Variants in NRG3 observed in about 807,000 individuals in gnomAD.
The protein encoded by NRG3 is pro-neuregulin-3, membrane-bound isoform.
In NRG3, 31 loss-of-function variants were observed where a neutral mutation model predicts 66.9. The observed-to-expected ratio is 0.46, with a 90% CI of 0.35 to 0.63. NRG3 has a LOEUF of 0.63. Among genes scored for constraint, NRG3 ranks in the 20% least tolerant of loss-of-function variants. The probability of loss-of-function intolerance (pLI) is 0.00; values close to 1 mark genes in which losing one functional copy is unlikely to be tolerated. For missense variants in NRG3, 910 were observed against 878.9 expected, an observed-to-expected ratio of 1.04 and a Z score of -0.45; for synonymous variants, 393 against 359.4, an observed-to-expected ratio of 1.09 and a Z score of -1.06.
chr10:81,957,936 C>A (rs1480063173), intron 1 of NRG3, among the ~76,000 whole-genome samples: 1 of 152,186 alleles, frequency 6.6e-6, no homozygotes, highest in Non-Finnish European at 1.5e-5. Context: ...CCAACCTTAA[C>A]ATTTATTCTT....
chr10:82,409,713 C>T (rs1446800453), intron 2 of NRG3, among the ~76,000 whole-genome samples: 1 of 152,084 alleles, frequency 6.6e-6, no homozygotes, highest in Non-Finnish European at 1.5e-5. Context: ...TGATTTTTGG[C>T]TTATGAATTA....
At chr10:82,052,687 C>G (rs182360737) in intron 1 of NRG3, among the ~76,000 whole-genome samples, 1 of 152,072 alleles carries the variant, frequency 6.6e-6, no homozygotes. Flanking sequence ...TAGCGTGTAG[C>G]TTAGTTCAAC....
intron 2 of NRG3, among the ~76,000 whole-genome samples, chr10:82,398,524 TGTGAGAGA>T (rs1390855556): frequency 5.0e-5 from 7 of 141,138 alleles, no homozygotes; most frequent in African/African-American, 1.6e-4. Context: ...TGTGTGTGTG[TGTGAGAGA>T]GAGAGAGAGA....
At position 82,406,672 on chromosome 10, in the gene NRG3, A is replaced by T. The variant is rs555578089; in HGVS notation, c.953+47804A>T. The stretch of plus-strand genomic sequence containing the variant: ...AGTTGCAGGGAGGTAATGTGACTTC[A>T]GTCAGAGAAAGTGATAGAATACTAC... On this transcript the variant is annotated intron_variant, in intron 2 of 8. Transcript: ENST00000372141. Among the ~76,000 whole-genome samples the T allele has an allele frequency of 3.9e-5, 6 of 152,288 alleles. No homozygotes were observed. The South Asian group carries it at 1.0e-3, about 26-fold the overall frequency.
chr10:82,148,322 AC>A (rs2070412910), intron 1 of NRG3, among the ~76,000 whole-genome samples: 1 of 152,086 alleles, frequency 6.6e-6, no homozygotes, highest in Admixed American at 6.6e-5. Flanking sequence ...ACATAGCAAG[AC>A]CCCATTTCTA....
At chr10:82,837,268 C>T (rs910224941) in intron 3 of NRG3, among the ~76,000 whole-genome samples, 9 of 152,082 alleles carry the variant, frequency 5.9e-5, no homozygotes, top group African/African-American at 2.2e-4. Flanking sequence ...AGTAATGGTA[C>T]TGCTGAGTCA....
chr10:81,925,011 T>A (rs1243728037), intron 1 of NRG3, among the ~76,000 whole-genome samples: 1 of 152,176 alleles, frequency 6.6e-6, no homozygotes, highest in Non-Finnish European at 1.5e-5. Context: ...TCCTATGCTC[T>A]GTGTGTTTGA....
chr10:81,990,394 C>T (rs570048140), intron 1 of NRG3, among the ~76,000 whole-genome samples: 4 of 152,164 alleles, frequency 2.6e-5, no homozygotes, highest in African/African-American at 9.6e-5. Context: ...TTTATGAAGT[C>T]ATCTGTATTT....
intron 1 of NRG3, among the ~76,000 whole-genome samples, chr10:82,007,029 AC>A (rs1269143273): frequency 6.6e-6 from 1 of 152,016 alleles, no homozygotes; most frequent in African/African-American, 2.4e-5. Flanking sequence ...TGCCTTAAGG[AC>A]ATTTGGGCAT....
At chr10:82,923,344 A>G (rs2132084429) in intron 4 of NRG3, among the ~76,000 whole-genome samples, 1 of 152,270 alleles carries the variant, frequency 6.6e-6, no homozygotes, top group South Asian at 2.1e-4. Flanking sequence ...GGATCATCAG[A>G]GGTATTACCT....
At chr10:82,573,537 T>C (rs1458366667) in intron 2 of NRG3, among the ~76,000 whole-genome samples, 1 of 151,832 alleles carries the variant, frequency 6.6e-6, no homozygotes, top group African/African-American at 2.4e-5. Context: ...CCGCATAGTA[T>C]GTGATTCCTT....
chr10:82,542,130 G>C (rs1007762206), intron 2 of NRG3, among the ~76,000 whole-genome samples: 1 of 152,038 alleles, frequency 6.6e-6, no homozygotes, highest in African/African-American at 2.4e-5. Context: ...GTGTCCATGT[G>C]TTCTCATTTT....
At chr10:82,421,003 C>T (rs1206731404) in intron 2 of NRG3, among the ~76,000 whole-genome samples, 1 of 151,992 alleles carries the variant, frequency 6.6e-6, no homozygotes, top group Non-Finnish European at 1.5e-5. Context: ...GTGTTAATTA[C>T]AGGGGCAGCA....
At chr10:82,105,795 A>G (rs1438233894) in intron 1 of NRG3, among the ~76,000 whole-genome samples, 1 of 152,240 alleles carries the variant, frequency 6.6e-6, no homozygotes, top group Non-Finnish European at 1.5e-5. Flanking sequence ...TAACAGGGAT[A>G]AAGGAATGTC....
intron 1 of NRG3, among the ~76,000 whole-genome samples, chr10:82,246,500 A>G (rs894744453): frequency 2.6e-5 from 4 of 152,238 alleles, no homozygotes; most frequent in African/African-American, 9.6e-5. Context: ...TTTCACTGAG[A>G]TAAATAATGA....
intron 2 of NRG3, among the ~76,000 whole-genome samples, chr10:82,580,724 C>T (rs2046310730): frequency 6.6e-6 from 1 of 151,710 alleles, no homozygotes; most frequent in Non-Finnish European, 1.5e-5. Context: ...TTCATGGCTT[C>T]ATAGGTTATT....
At position 82,211,921 on chromosome 10, in the gene NRG3, G is replaced by C. The variant is rs149335306; in HGVS notation, c.824-146818G>C. Among the ~76,000 whole-genome samples, 301 of 152,228 alleles carry C rather than the reference G, an allele frequency of 2.0e-3. 2 individuals carry two copies. The highest frequency in any genetic ancestry group is 6.6e-3 in the African/African-American group (276 of 41,544). ...TCTCCTCACTAGAAACCTAAATACA[G>C]CCTCTGAAAGGCTTGTCCCTTGGGT... On this transcript the variant is annotated intron_variant, in intron 1 of 8. Transcript: ENST00000372141.
intron 1 of NRG3, among the ~76,000 whole-genome samples, chr10:82,341,777 C>CA (rs1283673850): frequency 6.6e-6 from 1 of 151,960 alleles, no homozygotes; most frequent in African/African-American, 2.4e-5. Context: ...TTGTAGTCTC[C>CA]AGTGTATATT....
chr10:81,933,893 G>T (rs573029032), intron 1 of NRG3, among the ~76,000 whole-genome samples: 1 of 152,258 alleles, frequency 6.6e-6, no homozygotes, highest in Non-Finnish European at 1.5e-5. Flanking sequence ...ATAATGGCAT[G>T]GTGAAGATGG....
Sources: allele counts gnomAD v4.1 joint callset (sites outside exome capture counted in the v4.1 genomes callset), GRCh38; gene constraint gnomAD v4.1.1; transcripts MANE v1.5; gene names NCBI Gene and HGNC (gene_info 2026-07-23, HGNC 2026-07-21).